NEDD4: variants seen among roughly 807,000 people sequenced by gnomAD.
NEDD4 encodes the protein E3 ubiquitin-protein ligase NEDD4.
In NEDD4, 99 loss-of-function variants were observed where a neutral mutation model predicts 144.9. The ratio of observed to expected loss-of-function variants is 0.68; its 90% confidence interval spans 0.58 to 0.81. The LOEUF is 0.81. Among genes scored for constraint, NEDD4 ranks in the 30% least tolerant of loss-of-function variants. The pLI, the probability that NEDD4 is intolerant of heterozygous loss-of-function variation, is 0.00. For synonymous variants in NEDD4, 318 were observed against 350.6 expected, an observed-to-expected ratio of 0.91 and a Z score of 1.04; for missense variants, 985 against 1,065.9, an observed-to-expected ratio of 0.92 and a Z score of 1.06.
chr15:55,893,909 GC>G (rs1200163735), intron 5 of NEDD4, among the ~76,000 whole-genome samples: 1 of 151,278 alleles, frequency 6.6e-6, no homozygotes, highest in Non-Finnish European at 1.5e-5. Context: ...CATTTGTATA[GC>G]TGCTTCTTTC....
intron 4 of NEDD4, 128 bp from the exon 5 acceptor site, chr15:55,924,827 G>A: frequency 1.2e-6 from 1 of 841,864 alleles, no homozygotes. Flanking sequence ...CAGCACTTTG[G>A]GAGGCCGAGG....
At chr15:55,915,021 T>G (rs2036389468) in intron 5 of NEDD4, among the ~76,000 whole-genome samples, 1 of 152,076 alleles carries the variant, frequency 6.6e-6, no homozygotes, top group Non-Finnish European at 1.5e-5. Flanking sequence ...GTTTTTTATG[T>G]TGTAGAAAAG....
chr15:55,974,391 G>A (rs1246088552), intron 1 of NEDD4, among the ~76,000 whole-genome samples: 2 of 152,174 alleles, frequency 1.3e-5, no homozygotes, highest in East Asian at 1.9e-4. Context: ...AATAGAGGAG[G>A]AGGAATACTT....
chr15:55,979,386 G>A (rs1321345714), intron 1 of NEDD4, among the ~76,000 whole-genome samples: 2 of 110,864 alleles, frequency 1.8e-5, no homozygotes, highest in African/African-American at 3.5e-5. Flanking sequence ...TCGCTCTGTC[G>A]CCCAGGCCGG....
At chr15:55,964,298 T>G (rs959643190) in intron 2 of NEDD4, among the ~76,000 whole-genome samples, 1 of 152,114 alleles carries the variant, frequency 6.6e-6, no homozygotes, top group South Asian at 2.1e-4. Flanking sequence ...CTGTTGTTGT[T>G]GTTGTTGTTG....
intron 5 of NEDD4, among the ~76,000 whole-genome samples, chr15:55,880,554 AAG>A (rs1281186431): frequency 2.0e-5 from 3 of 152,214 alleles, no homozygotes; most frequent in Non-Finnish European, 4.4e-5. Context: ...TGGTAGAATA[AAG>A]ACATTTTCAG....
intron 7 of NEDD4, 108 bp downstream of exon 7, chr15:55,872,307 G>C (rs2034830676): frequency 3.1e-6 from 1 of 324,204 alleles, no homozygotes; most frequent in South Asian, 7.1e-5. Flanking sequence ...ATATTTAGAA[G>C]TAACTTATTT....
chr15:55,829,843 G>T lies in NEDD4; in HGVS notation c.*54C>A. On this transcript the variant is annotated 3_prime_UTR_variant, in exon 29 of 29. Transcript: ENST00000435532. Reference sequence around the variant, plus strand: ...AGTTCCCCGGAAAATTTTAAGTCAAGATTTTGGTTATAAAACTATGGCAGT... The same window carrying T: ...AGTTCCCCGGAAAATTTTAAGTCAATATTTTGGTTATAAAACTATGGCAGT... 7.1e-7 allele frequency: 1 copy of T among 1,410,324 alleles called. No individual in the cohort carries two copies. Among genetic ancestry groups the T allele is most frequent in the South Asian group, 1.3e-5 (1 of 78,272 alleles). The allele number at this position is 1,410,324 out of a possible 1,614,324, so 87.4% of individuals were successfully genotyped here. A position where few individuals can be genotyped will look rare whatever the true frequency, so the allele number is the denominator to read the frequency against.
intron 5 of NEDD4, among the ~76,000 whole-genome samples, chr15:55,875,810 T>G (rs1337554444): frequency 6.6e-6 from 1 of 151,884 alleles, no homozygotes; most frequent in Non-Finnish European, 1.5e-5. Context: ...TAACTGGAGT[T>G]CCATAAAAGG....
intron 13 of NEDD4, 74 bp from the exon 14 acceptor site, chr15:55,850,816 CTT>C: frequency 7.5e-7 from 1 of 1,341,490 alleles, no homozygotes; most frequent in Non-Finnish European, 1.0e-6. Flanking sequence ...AAAAAGGTAA[CTT>C]AACCTGCAAA....
chr15:55,945,678 C>A (rs543620842), intron 4 of NEDD4, among the ~76,000 whole-genome samples: 1 of 151,954 alleles, frequency 6.6e-6, no homozygotes, highest in African/African-American at 2.4e-5. Context: ...AGATATTCCT[C>A]GAGAAGAGCA....
At chr15:55,911,062 C>T (rs996834661) in intron 5 of NEDD4, among the ~76,000 whole-genome samples, 2 of 139,190 alleles carry the variant, frequency 1.4e-5, no homozygotes, top group African/African-American at 5.3e-5. Flanking sequence ...TGCTTGAGCC[C>T]CACTGGACTA....
chr15:55,960,999 T>A (rs1389687529), intron 2 of NEDD4, among the ~76,000 whole-genome samples: 1 of 152,210 alleles, frequency 6.6e-6, no homozygotes, highest in Non-Finnish European at 1.5e-5. Context: ...TTGAGTTGCC[T>A]CCCGTGTCTC....
chr15:55,880,246 C>T (rs2414450), intron 5 of NEDD4, among the ~76,000 whole-genome samples: 84,655 of 151,736 alleles, frequency 0.56, 23,730 homozygotes, highest in South Asian at 0.65. Flanking sequence ...GAGCCGAGAT[C>T]GCACCATTGC....
rs1416428099 is a variant in NEDD4, at chr15:55,860,729, G to A, written c.724C>T (p.Arg242Cys). The A allele has an allele frequency of 1.4e-5, 23 of 1,614,054 alleles. No homozygotes were observed. The highest frequency in any genetic ancestry group is 8.0e-5 in the African/African-American group (6 of 74,924). ...ATCTGCCGCCTGGTGGTAAATGCAC[G>A]TTGTGCTTGCAGTTGAATGTTGCCA... ...ENGNIQLQAQRAFTTRRQISE... is the reference protein window; with the variant it reads ...ENGNIQLQAQCAFTTRRQISE... The change falls in exon 10 of 29, where the codon CGT becomes TGT. Residue 242 changes from arginine (R) to cysteine (C), a missense_variant. Physicochemically the swap from Arg to Cys is radical, Grantham distance 180. Coordinates refer to ENST00000435532, the MANE Select transcript of NEDD4 (RefSeq NM_006154.4).
chr15:55,931,891 C>G (rs1385513046), intron 4 of NEDD4, among the ~76,000 whole-genome samples: 1 of 152,186 alleles, frequency 6.6e-6, no homozygotes, highest in Non-Finnish European at 1.5e-5. Flanking sequence ...AACCTTATGT[C>G]TTTTAACAGA....
chr15:55,917,240 TTTTTC>T (rs1172660305), intron 5 of NEDD4: 5 of 815,848 alleles, frequency 6.1e-6, no homozygotes, highest in Non-Finnish European at 7.5e-6. Flanking sequence ...GAAACAGTAT[TTTTTC>T]ACCCCAGCTC....
At chr15:55,889,861 C>T (rs1158850613) in intron 5 of NEDD4, among the ~76,000 whole-genome samples, 2 of 152,080 alleles carry the variant, frequency 1.3e-5, no homozygotes, top group Admixed American at 6.6e-5. Flanking sequence ...CCACCACGCC[C>T]AGCTAATTTC....
At chr15:55,874,033 T>G (rs1319043616) in intron 5 of NEDD4, 25 bp from the exon 6 acceptor site, 1 of 1,287,980 alleles carries the variant, frequency 7.8e-7, no homozygotes, top group Admixed American at 2.1e-5. Flanking sequence ...AGAAAAAATA[T>G]AATTAGTAAT....
Sources: gnomAD v4.1 joint callset for allele counts (sites outside exome capture counted in the v4.1 genomes callset) on GRCh38, gnomAD v4.1.1 for gene constraint, MANE v1.5 for transcripts, NCBI Gene and HGNC (gene_info 2026-07-23, HGNC 2026-07-21) for gene names.